ANKRD12: variants seen among roughly 807,000 people sequenced by gnomAD.
The protein encoded by ANKRD12 is ankyrin repeat domain-containing protein 12.
A neutral mutation model predicts 183.4 loss-of-function variants in ANKRD12; 85 were observed. The observed-to-expected ratio is 0.46, with a 90% CI of 0.39 to 0.56. The LOEUF (loss-of-function observed/expected upper bound fraction) is 0.56. Ranked by LOEUF, ANKRD12 falls within the 20% of genes least tolerant of loss-of-function variation. The pLI, the probability that ANKRD12 is intolerant of heterozygous loss-of-function variation, is 0.00. For missense variants in ANKRD12, 2,405 were observed against 2,357.1 expected (o/e 1.02, Z -0.42); for synonymous variants, 914 against 800.2 (o/e 1.14, Z -2.40).
intron 4 of ANKRD12, among the ~76,000 whole-genome samples, chr18:9,206,935 G>A (rs1168148525): frequency 6.6e-6 from 1 of 151,952 alleles, no homozygotes; most frequent in Non-Finnish European, 1.5e-5. Context: ...TAGATGCTAA[G>A]TATTTTTTGT....
chr18:9,145,625 A>T (rs1416677614), intron 1 of ANKRD12, among the ~76,000 whole-genome samples: 2 of 148,358 alleles, frequency 1.3e-5, no homozygotes, highest in Non-Finnish European at 1.5e-5. Context: ...ATGAATGAGA[A>T]TCACCTCAGT....
At chr18:9,267,371 G>GCTT (rs2039354218) in intron 10 of ANKRD12, among the ~76,000 whole-genome samples, 1 of 152,158 alleles carries the variant, frequency 6.6e-6, no homozygotes, top group African/African-American at 2.4e-5. Flanking sequence ...ATAGTTGGAA[G>GCTT]TAAAGCACTC....
intron 8 of ANKRD12, among the ~76,000 whole-genome samples, chr18:9,225,628 C>G (rs1313524328): frequency 6.6e-6 from 1 of 152,286 alleles, no homozygotes; most frequent in Non-Finnish European, 1.5e-5. Context: ...ACCAGAACCA[C>G]CTTTTAGCCA....
intron 1 of ANKRD12, among the ~76,000 whole-genome samples, chr18:9,166,311 G>A (rs1375377011): frequency 5.3e-5 from 8 of 152,118 alleles, no homozygotes; most frequent in Admixed American, 1.3e-4. Flanking sequence ...CTTCCACAAT[G>A]GTTGAACTAG....
At chr18:9,170,040 C>T (rs1182853932) in intron 1 of ANKRD12, among the ~76,000 whole-genome samples, 2 of 152,190 alleles carry the variant, frequency 1.3e-5, no homozygotes, top group Non-Finnish European at 2.9e-5. Context: ...GAATATTGGT[C>T]CCCACTCTCT....
chr18:9,146,801 C>T (rs1455736989), intron 1 of ANKRD12, among the ~76,000 whole-genome samples: 1 of 152,072 alleles, frequency 6.6e-6, no homozygotes, highest in African/African-American at 2.4e-5. Context: ...TTTGAATGCC[C>T]TGGAATATAC....
intron 1 of ANKRD12, among the ~76,000 whole-genome samples, chr18:9,144,222 T>C (rs2078417358): frequency 6.6e-6 from 1 of 152,228 alleles, no homozygotes; most frequent in Admixed American, 6.5e-5. Context: ...TTTTACAGCA[T>C]GCAATTATTG....
Position 9,175,216 on chromosome 18 carries a change from T to C in ANKRD12, c.-51-7166T>C, listed in dbSNP as rs906415802. Among the ~76,000 whole-genome samples, 4 of 152,146 alleles carry C rather than the reference T, an allele frequency of 2.6e-5. No individual in the cohort carries two copies. The South Asian group carries it at 6.2e-4, about 24-fold the overall frequency. ...TCTAAAGTGATCTCAAAATAGACTTTCTGTAGTTGGAATACTTCTGTAGAT... is the reference window on the plus strand; with the variant it reads ...TCTAAAGTGATCTCAAAATAGACTTCCTGTAGTTGGAATACTTCTGTAGAT... On this transcript the variant is annotated intron_variant, in intron 1 of 12. Transcript: ENST00000262126.
intron 10 of ANKRD12, among the ~76,000 whole-genome samples, chr18:9,270,884 A>C (rs967272132): frequency 6.6e-6 from 1 of 152,216 alleles, no homozygotes; most frequent in Admixed American, 6.5e-5. Context: ...CTTGAGGGCA[A>C]CTTTAAATGT....
chr18:9,165,886 A>G (rs1433293824), intron 1 of ANKRD12, among the ~76,000 whole-genome samples: 14 of 114,488 alleles, frequency 1.2e-4, no homozygotes, highest in African/African-American at 4.8e-4. Flanking sequence ...CCACCCCACA[A>G]CAGTCCCTGG....
Position 9,255,295 on chromosome 18 carries a change from C to G in ANKRD12, c.2028C>G (p.Tyr676Ter). ...AAATTGAAGGTGAAAAGGAAAAATA[C>G]AAAACTAAGGATAGTGCCAAAGAAC... ...KKEIEGEKEK[Y>*]KTKDSAKELQ... is the part of the protein sequence containing the mutation. Residue 676 changes from tyrosine to a stop codon, truncating the protein, a stop_gained, in exon 9 of 13, where the codon TAC (tyrosine) becomes TAG (stop). Coordinates refer to ENST00000262126, the MANE Select transcript of ANKRD12 (RefSeq NM_015208.5). LOFTEE classifies it high-confidence loss of function. 6.3e-7 allele frequency: 1 copy of G among 1,576,722 alleles called. No individual in the cohort carries two copies.
At position 9,193,436 on chromosome 18, in the gene ANKRD12, A is replaced by G. The variant is rs375470026; in HGVS notation, c.88-2115A>G. 1.3e-4 allele frequency among the ~76,000 whole-genome samples: 20 copies of G among 152,200 alleles called. 1 individual carries two copies. The highest frequency in any genetic ancestry group is 7.8e-4 in the Admixed American group (12 of 15,298). ...GCTAGGATTACAGGCATGAGCCACC[A>G]TGCCCAGCCAACAGCATTCTTTCAT... On this transcript the variant is annotated intron_variant, in intron 2 of 12. Coordinates refer to ENST00000262126, the MANE Select transcript of ANKRD12 (RefSeq NM_015208.5).
chr18:9,146,421 A>C (rs1228213457), intron 1 of ANKRD12, among the ~76,000 whole-genome samples: 1 of 152,200 alleles, frequency 6.6e-6, no homozygotes, highest in African/African-American at 2.4e-5. Context: ...AGTGGCACAC[A>C]CCTGCAATCC....
Position 9,257,910 on chromosome 18 carries a change from C to T in ANKRD12, c.4643C>T (p.Thr1548Ile). 1 of 1,613,900 alleles carries T rather than the reference C, an allele frequency of 6.2e-7. No homozygotes were observed. The highest frequency in any genetic ancestry group is 2.2e-5 in the East Asian group (1 of 44,872). Residue 1548 changes from threonine to isoleucine, a missense_variant, in exon 9 of 13, where the codon ACT becomes ATT. By Grantham distance (89) the Thr-to-Ile change is moderately conservative. Coordinates refer to ENST00000262126, the MANE Select transcript of ANKRD12 (RefSeq NM_015208.5). ...GAATCTACAAAAGATACAGAAAATA[C>T]TTTTGTCCTAGGAGATGTTCAAAAA... ...DNESTKDTEN[T>I]FVLGDVQKTD...
At chr18:9,195,891 A>G (rs964688077) in intron 3 of ANKRD12, among the ~76,000 whole-genome samples, 193 bp downstream of exon 3, 12 of 152,098 alleles carry the variant, frequency 7.9e-5, no homozygotes, top group African/African-American at 2.9e-4. Flanking sequence ...GATAAAAACA[A>G]TTTTCTTTAT....
chr18:9,256,242 C>T lies in ANKRD12; in HGVS notation c.2975C>T (p.Ala992Val). The T allele has an allele frequency of 3.1e-6, 5 of 1,600,954 alleles. No individual in the cohort carries two copies. Among genetic ancestry groups the T allele is most frequent in the Non-Finnish European group, 4.3e-6 (5 of 1,175,950 alleles). ...TCAAGTATAGTAGACGGTAATAAAG[C>T]ACAACATGAAAAACCCTTATCCCTT... ...KKSSIVDGNK[A>V]QHEKPLSLKE... Residue 992 changes from alanine to valine, a missense_variant, in exon 9 of 13, where the codon GCA (alanine) becomes GTA (valine). By Grantham distance (64) the Ala-to-Val change is moderately conservative. Transcript: ENST00000262126.
At chr18:9,268,686 G>A (rs538380695) in intron 10 of ANKRD12, among the ~76,000 whole-genome samples, 8 of 152,272 alleles carry the variant, frequency 5.3e-5, no homozygotes, top group South Asian at 4.1e-4. Flanking sequence ...GCAAAAACTG[G>A]AAGCATTCCC....
At chr18:9,143,686 T>A (rs2078397748) in intron 1 of ANKRD12, among the ~76,000 whole-genome samples, 1 of 152,134 alleles carries the variant, frequency 6.6e-6, no homozygotes, top group Non-Finnish European at 1.5e-5. Context: ...GGTTTTGAAC[T>A]CCTGACCTCG....
rs148283176 is a variant in ANKRD12, at chr18:9,202,730, G to A, written c.236-1746G>A. Among the ~76,000 whole-genome samples, 565 of 152,272 alleles carry A rather than the reference G, an allele frequency of 3.7e-3. 5 individuals carry two copies. The highest frequency in any genetic ancestry group is 0.013 in the African/African-American group (542 of 41,558). ...TCATAAACAGTGGTAGTCTCATACA[G>A]CCTAGTCTCAGTACAGCATAAAAGG... On this transcript the variant is annotated intron_variant, in intron 3 of 12. Transcript: ENST00000262126.
Sources: allele counts gnomAD v4.1 joint callset (sites outside exome capture counted in the v4.1 genomes callset), GRCh38; gene constraint gnomAD v4.1.1; transcripts MANE v1.5; gene names NCBI Gene and HGNC (gene_info 2026-07-23, HGNC 2026-07-21).